The following QSOX1 variants were observed in gnomAD, a reference collection of about 807,000 sequenced individuals.
QSOX1 encodes quiescin sulfhydryl oxidase 1.
Under a neutral mutation model 76.1 loss-of-function variants are expected in QSOX1, and 40 were observed. The ratio of observed to expected loss-of-function variants is 0.53; its 90% CI spans 0.41 to 0.68. QSOX1 has a LOEUF of 0.68. Among genes scored for constraint, QSOX1 ranks in the 30% least tolerant of loss-of-function variants. QSOX1 has a pLI of 0.00. For missense variants in QSOX1, 931 were observed against 974.3 expected (o/e 0.96, Z 0.59); for synonymous variants, 392 against 413.1 (o/e 0.95, Z 0.62).
intron 1 of QSOX1, among the ~76,000 whole-genome samples, chr1:180,165,455 T>C (rs1662591809): frequency 6.6e-6 from 1 of 152,234 alleles, no homozygotes; most frequent in South Asian, 2.1e-4. Context: ...AACCCTCCTC[T>C]CCAGGCAGCC....
In QSOX1 at chr1:180,154,918, G is replaced by A; in HGVS notation, c.11G>A (p.Cys4Tyr). The change falls in exon 1 of 12, where the codon TGC becomes TAC. Residue 4 changes from cysteine to tyrosine, a missense_variant. Coordinates refer to ENST00000367602, the MANE Select transcript of QSOX1 (RefSeq NM_002826.5). MRRCNSGSGPPPSL... is the reference protein window; with the variant it reads MRRYNSGSGPPPSL... ...AGCGCAGCGCCGAGGATGAGGAGGT[G>A]CAACAGCGGCTCCGGGCCGCCGCCG... 4.8e-6 allele frequency: 7 copies of A among 1,461,306 alleles called. No homozygotes were observed. Among genetic ancestry groups the A allele is most frequent in the Non-Finnish European group, 6.3e-6 (7 of 1,115,028 alleles). The allele number at this position is 1,461,306 out of a possible 1,614,324, so 90.5% of individuals were successfully genotyped here. A position where few individuals can be genotyped will look rare whatever the true frequency, so the allele number is the denominator to read the frequency against.
In QSOX1 at chr1:180,196,377, C is replaced by T. The variant is rs1242011682; in HGVS notation, c.1584C>T (p.Leu528=). The T allele has an allele frequency of 6.2e-7, 1 of 1,614,214 alleles. No homozygotes were observed. The highest frequency in any genetic ancestry group is 1.1e-5 in the South Asian group (1 of 91,082). ...DVPVWDVEAT[L]NFLKAHFSPS... is the part of the protein sequence containing the mutation. Reference sequence around the variant, plus strand: ...CCGTGTGGGACGTGGAAGCCACCCTCAACTTCCTCAAGGCCCACTTCTCCC... The same window carrying T: ...CCGTGTGGGACGTGGAAGCCACCCTTAACTTCCTCAAGGCCCACTTCTCCC... Residue 528 remains leucine, a synonymous_variant, in exon 12 of 12, where the codon CTC becomes CTT. Coordinates refer to ENST00000367602, the MANE Select transcript of QSOX1 (RefSeq NM_002826.5). This position sits in a 1 kb window ranked among gnomAD's most constrained non-coding sequence, Gnocchi z 4.1.
At chr1:180,159,305 T>C (rs1662441927) in intron 1 of QSOX1, among the ~76,000 whole-genome samples, 1 of 152,228 alleles carries the variant, frequency 6.6e-6, no homozygotes, top group African/African-American at 2.4e-5. Context: ...GTGTTAGGCA[T>C]TTAAGACACC....
At position 180,162,584 on chromosome 1, in the gene QSOX1, A is replaced by T. The variant is rs569017269; in HGVS notation, c.266-3907A>T. Among the ~76,000 whole-genome samples the T allele has an allele frequency of 2.6e-5, 4 of 152,218 alleles. No individual in the cohort carries two copies. The East Asian group carries it at 7.7e-4, about 29-fold the overall frequency. On this transcript the variant is annotated intron_variant, in intron 1 of 11. Transcript: ENST00000367602. ...GACCCCATTTCTATATTAAAATTTT[A>T]AAAAATTAGCCAGGTGTGGTGGTGT...
intron 10 of QSOX1, among the ~76,000 whole-genome samples, chr1:180,192,976 G>A (rs1031479741): frequency 6.6e-6 from 1 of 152,030 alleles, no homozygotes; most frequent in Admixed American, 6.5e-5. Flanking sequence ...TAGAGGTGTA[G>A]TCACTGGGGC....
intron 2 of QSOX1, among the ~76,000 whole-genome samples, chr1:180,172,526 T>C (rs902013222): frequency 2.0e-5 from 3 of 152,078 alleles, no homozygotes; most frequent in Non-Finnish European, 4.4e-5. Context: ...TTTTAAAATT[T>C]TTTTATTTTT....
At position 180,186,043 on chromosome 1, in the gene QSOX1, G is replaced by T; in HGVS notation, c.888-10G>T. ...CTTCTTTCTCTCTCTATCTCCCTCT[G>T]GGTCCTCAGCTCCAAGATCTACATG... On this transcript the variant is annotated splice_polypyrimidine_tract_variant and intron_variant, in intron 7 of 11. Coordinates refer to ENST00000367602, the MANE Select transcript of QSOX1 (RefSeq NM_002826.5). 6.2e-7 allele frequency: 1 copy of T among 1,613,270 alleles called. No individual in the cohort carries two copies. The highest frequency in any genetic ancestry group is 8.5e-7 in the Non-Finnish European group (1 of 1,179,342).
Position 180,197,060 on chromosome 1 carries a change from G to T in QSOX1, c.*23G>T. ...TGAACCACCTGGGGAGGAGGCGGGAGAGGGAGCTGCCATCTCTAGGCACCT... is the reference window on the plus strand; with the variant it reads ...TGAACCACCTGGGGAGGAGGCGGGATAGGGAGCTGCCATCTCTAGGCACCT... On this transcript the variant is annotated 3_prime_UTR_variant, in exon 12 of 12. Transcript: ENST00000367602. 1 of 1,585,832 alleles carries T rather than the reference G, an allele frequency of 6.3e-7. No individual in the cohort carries two copies.
chr1:180,188,885 C>T (rs1558191787), intron 8 of QSOX1, among the ~76,000 whole-genome samples: 1 of 152,226 alleles, frequency 6.6e-6, no homozygotes, highest in Non-Finnish European at 1.5e-5. Flanking sequence ...CACACACACA[C>T]ATACACACAT....
chr1:180,197,488 T>A lies in QSOX1; in HGVS notation c.*451T>A. The A allele has an allele frequency of 1.6e-6, 2 of 1,273,058 alleles. No homozygotes were observed. Among genetic ancestry groups the A allele is most frequent in the Non-Finnish European group, 2.2e-6 (2 of 896,840 alleles). The allele number at this position is 1,273,058 out of a possible 1,614,324, so 78.9% of individuals were successfully genotyped here. ...GCTGCTGGGGCTCCGCCCACCCTGC[T>A]CCCTTCCGGACAATGAAGAAGCCTT... On this transcript the variant is annotated 3_prime_UTR_variant, in exon 12 of 12. Coordinates refer to ENST00000367602, the MANE Select transcript of QSOX1 (RefSeq NM_002826.5).
At chr1:180,170,388 TC>T (rs1662732047) in intron 2 of QSOX1, among the ~76,000 whole-genome samples, 1 of 152,166 alleles carries the variant, frequency 6.6e-6, no homozygotes, top group African/African-American at 2.4e-5. Flanking sequence ...CATAAAAATA[TC>T]TGGAGGCTGG....
chr1:180,180,717 A>C (rs139543940), intron 5 of QSOX1, among the ~76,000 whole-genome samples: 1 of 152,122 alleles, frequency 6.6e-6, no homozygotes, highest in Non-Finnish European at 1.5e-5. Context: ...GGGTTTCACC[A>C]TGTTGGTAAG....
Position 180,201,006 on chromosome 1 carries a change from C to T in QSOX1, c.*3969C>T, listed in dbSNP as rs1277875411. 2.0e-5 allele frequency: 3 copies of T among 152,138 alleles called. No homozygotes were observed. The highest frequency in any genetic ancestry group is 2.9e-5 in the Non-Finnish European group (2 of 68,020). 9.4% of individuals were successfully genotyped at this position (152,138 alleles called of 1,614,324 possible). ...TCTCGCTCCATTCCCTACATCGAGG[C>T]TGAAGTGCCCTGTCTCGGGTCCTTG... On this transcript the variant is annotated 3_prime_UTR_variant, in exon 12 of 12. Coordinates refer to ENST00000367602, the MANE Select transcript of QSOX1 (RefSeq NM_002826.5).
intron 2 of QSOX1, among the ~76,000 whole-genome samples, chr1:180,171,877 G>A (rs1045157461): frequency 6.6e-6 from 1 of 152,202 alleles, no homozygotes; most frequent in Non-Finnish European, 1.5e-5. Flanking sequence ...AATGTGGCAC[G>A]AAAGTTGACA....
Position 180,189,570 on chromosome 1 carries a change from T to A in QSOX1, c.1036T>A (p.Leu346Ile), listed in dbSNP as rs759968711. The A allele has an allele frequency of 6.2e-7, 1 of 1,610,092 alleles. No homozygotes were observed. The change falls in exon 9 of 12, where the codon TTA becomes ATA. Residue 346 changes from leucine (L) to isoleucine (I), a missense_variant. Physicochemically the swap from Leu to Ile is conservative, Grantham distance 5 (BLOSUM62 2). Coordinates refer to ENST00000367602, the MANE Select transcript of QSOX1 (RefSeq NM_002826.5). ...VLAKYFPGRP[L>I]VQNFLHSVNE... is the part of the protein sequence containing the mutation. ...CCCACAGTATTTCCCTGGCCGGCCC[T>A]TAGTCCAGAACTTCCTGCACTCCGT...
chr1:180,184,784 A>T (rs1036666003), intron 7 of QSOX1, among the ~76,000 whole-genome samples: 9 of 152,206 alleles, frequency 5.9e-5, no homozygotes, highest in Non-Finnish European at 1.2e-4. Context: ...AGTGGGGGAA[A>T]GGTGATTGCA....
Position 180,166,489 on chromosome 1 carries a change from A to G in QSOX1, c.266-2A>G. The stretch of plus-strand genomic sequence containing the variant: ...TTACCCCTGGGTTTTTTGTCCTTTC[A>G]GCCTGGAGGCCGGCCCTGTATCTCG... On this transcript the variant is annotated splice_acceptor_variant, in intron 1 of 11. Coordinates refer to ENST00000367602, the MANE Select transcript of QSOX1 (RefSeq NM_002826.5). LOFTEE classifies it high-confidence loss of function. The G allele has an allele frequency of 6.2e-7, 1 of 1,613,772 alleles. No homozygotes were observed. The highest frequency in any genetic ancestry group is 8.5e-7 in the Non-Finnish European group (1 of 1,179,902).
At chr1:180,180,944 G>A (rs1420792934) in intron 5 of QSOX1, among the ~76,000 whole-genome samples, 3 of 152,124 alleles carry the variant, frequency 2.0e-5, no homozygotes, top group Non-Finnish European at 4.4e-5. Context: ...TATTATTATT[G>A]TTGTTATTAT....
intron 2 of QSOX1, among the ~76,000 whole-genome samples, chr1:180,170,078 A>G (rs1662726120): frequency 6.6e-6 from 1 of 152,202 alleles, no homozygotes; most frequent in Non-Finnish European, 1.5e-5. Flanking sequence ...GCAGAGGCTC[A>G]TGTTGAGGGA....
Sources: allele counts gnomAD v4.1 joint callset (sites outside exome capture counted in the v4.1 genomes callset), GRCh38; gene constraint gnomAD v4.1.1; non-coding constraint Gnocchi (gnomAD v3.1); transcripts MANE v1.5; gene names NCBI Gene and HGNC (gene_info 2026-07-23, HGNC 2026-07-21).